Variants in PRR16 observed in about 807,000 individuals in gnomAD.
The protein encoded by PRR16 is protein Largen.
PRR16 carries 6 observed loss-of-function variants against 18.2 expected under a neutral mutation model. That is an observed-to-expected ratio of 0.33 (90% CI 0.18 to 0.65). The LOEUF is 0.65. PRR16 is among the 30% of genes least tolerant of loss of function. The pLI, the probability that PRR16 is intolerant of heterozygous loss-of-function variation, is 0.74. For missense variants in PRR16, 412 were observed against 376.6 expected, an observed-to-expected ratio of 1.09 and a Z score of -0.78; for synonymous variants, 151 against 147.8, an observed-to-expected ratio of 1.02 and a Z score of -0.16.
intron 1 of PRR16, chr5:120,481,226 C>A (rs1314313685): frequency 5.4e-6 from 3 of 558,928 alleles, no homozygotes; most frequent in Non-Finnish European, 9.2e-6. Flanking sequence ...GGGCTCACTG[C>A]AACCTCTGCC....
chr5:120,743,869 G>GT, the PRR16 span, among the ~76,000 whole-genome samples: 2 of 151,620 alleles, frequency 1.3e-5, no homozygotes, highest in Non-Finnish European at 1.5e-5. Context: ...TGAATATGTT[G>GT]TTTTTTCCTA....
intron 1 of PRR16, among the ~76,000 whole-genome samples, chr5:120,669,188 C>G (rs192545724): frequency 1.3e-5 from 2 of 152,178 alleles, no homozygotes; most frequent in East Asian, 3.9e-4. Flanking sequence ...ACAACTTGCT[C>G]AATCAGTTTT....
At chr5:120,672,185 A>C (rs1273094111) in intron 1 of PRR16, among the ~76,000 whole-genome samples, 1 of 150,054 alleles carries the variant, frequency 6.7e-6, no homozygotes, top group Non-Finnish European at 1.5e-5. Flanking sequence ...GGCAATCGGG[A>C]AGAGTGCCTT....
the PRR16 span, among the ~76,000 whole-genome samples, chr5:120,727,556 T>C: frequency 6.6e-6 from 1 of 152,156 alleles, no homozygotes; most frequent in Non-Finnish European, 1.5e-5. Context: ...CAGGAGAATA[T>C]TGTTTAAACA....
intron 1 of PRR16, among the ~76,000 whole-genome samples, chr5:120,653,139 A>T (rs879725105): frequency 2.6e-5 from 4 of 151,920 alleles, no homozygotes; most frequent in Non-Finnish European, 5.9e-5. Flanking sequence ...TTGGGAGAGG[A>T]AAGTGACTGT....
intron 1 of PRR16, among the ~76,000 whole-genome samples, chr5:120,538,585 T>G (rs1221654594): frequency 1.8e-4 from 28 of 152,230 alleles, no homozygotes; most frequent in Admixed American, 1.8e-3. Context: ...TTTCTGCTGT[T>G]AAAACATTTT....
the PRR16 span, among the ~76,000 whole-genome samples, chr5:120,774,723 A>G: frequency 6.6e-6 from 1 of 152,200 alleles, no homozygotes. Flanking sequence ...CTTTTCTACA[A>G]CTAAACTTGT....
At chr5:120,561,298 T>G (rs1047123163) in intron 1 of PRR16, among the ~76,000 whole-genome samples, 1 of 152,026 alleles carries the variant, frequency 6.6e-6, no homozygotes, top group Non-Finnish European at 1.5e-5. Flanking sequence ...ATCCCATAGG[T>G]TTCGGAATGT....
intron 1 of PRR16, among the ~76,000 whole-genome samples, chr5:120,608,892 C>T (rs112928173): frequency 1.4e-3 from 211 of 152,174 alleles, no homozygotes; most frequent in African/African-American, 4.4e-3. Flanking sequence ...CTTTATACTT[C>T]GGTCTTCATT....
At chr5:120,719,792 C>G in the PRR16 span, among the ~76,000 whole-genome samples, 1 of 151,968 alleles carries the variant, frequency 6.6e-6, no homozygotes, top group Non-Finnish European at 1.5e-5. Flanking sequence ...ATCTTAGACT[C>G]AGTTAAGTTT....
the PRR16 span, among the ~76,000 whole-genome samples, chr5:120,783,792 C>G: frequency 6.6e-6 from 1 of 152,094 alleles, no homozygotes; most frequent in African/African-American, 2.4e-5. Flanking sequence ...CTCTACTGTG[C>G]TACCAAACAC....
chr5:120,545,201 G>C (rs1198217478), intron 1 of PRR16, among the ~76,000 whole-genome samples: 2 of 152,024 alleles, frequency 1.3e-5, no homozygotes, highest in Non-Finnish European at 2.9e-5. Context: ...CACATGCACA[G>C]AGCTGTGTCC....
intron 1 of PRR16, among the ~76,000 whole-genome samples, chr5:120,669,058 A>G (rs1025591754): frequency 1.3e-5 from 2 of 152,156 alleles, no homozygotes; most frequent in Non-Finnish European, 2.9e-5. Flanking sequence ...TTTTTTTCTA[A>G]TGTGCCATAA....
At chr5:120,505,934 ATG>A (rs1554079095) in intron 1 of PRR16, among the ~76,000 whole-genome samples, 8 of 130,342 alleles carry the variant, frequency 6.1e-5, no homozygotes, top group Admixed American at 2.3e-4. Flanking sequence ...ATATGTGTGT[ATG>A]TGTGTGTGTG....
At chr5:120,640,992 A>G (rs1353660155) in intron 1 of PRR16, among the ~76,000 whole-genome samples, 3 of 152,076 alleles carry the variant, frequency 2.0e-5, no homozygotes, top group Non-Finnish European at 4.4e-5. Context: ...CAAAATTTTT[A>G]AGAAGAGGCG....
In PRR16 at chr5:120,675,461, T is replaced by C. The variant is rs539150174; in HGVS notation, c.160-10493T>C. On this transcript the variant is annotated intron_variant, in intron 1 of 1. Transcript: ENST00000407149. ...ACAATGCCCCACTCTAACTTTTGTATTACTTCTCACTTCCACTTTTTCTGT... is the reference window on the plus strand; with the variant it reads ...ACAATGCCCCACTCTAACTTTTGTACTACTTCTCACTTCCACTTTTTCTGT... Among the ~76,000 whole-genome samples, 6 of 152,332 alleles carry C rather than the reference T, an allele frequency of 3.9e-5. No homozygotes were observed. In the South Asian group the frequency reaches 1.2e-3, roughly 32 times the overall value.
intron 1 of PRR16, among the ~76,000 whole-genome samples, chr5:120,507,675 A>C (rs1370940387): frequency 6.6e-6 from 1 of 151,988 alleles, no homozygotes; most frequent in Admixed American, 6.6e-5. Flanking sequence ...ATATTTTTTT[A>C]ATTAAAAGTT....
chr5:120,782,649 T>G, the PRR16 span, among the ~76,000 whole-genome samples: 3 of 152,150 alleles, frequency 2.0e-5, no homozygotes, highest in East Asian at 5.8e-4. Context: ...TAAGCATCCC[T>G]GTGTCCAGTG....
chr5:120,511,945 G>A (rs1233539315), intron 1 of PRR16, among the ~76,000 whole-genome samples: 4 of 152,156 alleles, frequency 2.6e-5, no homozygotes, highest in African/African-American at 4.8e-5. Flanking sequence ...GTTTTTAAAC[G>A]TTTTGATGAA....
Sources: allele counts gnomAD v4.1 joint callset (sites outside exome capture counted in the v4.1 genomes callset), GRCh38; gene constraint gnomAD v4.1.1; transcripts MANE v1.5; gene names NCBI Gene and HGNC (gene_info 2026-07-23, HGNC 2026-07-21).